The following PHLDB2 variants were observed in gnomAD, a reference collection of about 807,000 sequenced individuals.
PHLDB2 encodes the protein pleckstrin homology like domain family B member 2.
Under a neutral mutation model 123.6 loss-of-function variants are expected in PHLDB2, and 71 were observed. That is an observed-to-expected ratio of 0.57 (90% CI 0.47 to 0.70). The LOEUF (loss-of-function observed/expected upper bound fraction) is 0.70. Among genes scored for constraint, PHLDB2 ranks in the 30% least tolerant of loss-of-function variants. The probability of loss-of-function intolerance (pLI) is 0.00; values close to 1 mark genes in which losing one functional copy is unlikely to be tolerated. For missense variants in PHLDB2, 1,446 were observed against 1,519.5 expected (o/e 0.95, Z 0.80); for synonymous variants, 547 against 541.6 (o/e 1.01, Z -0.14).
At chr3:111,756,964 TTG>T (rs781270354) in intron 1 of PHLDB2, among the ~76,000 whole-genome samples, 33 of 152,214 alleles carry the variant, frequency 2.2e-4, no homozygotes, top group Non-Finnish European at 3.8e-4. Flanking sequence ...TTTAAGAATG[TTG>T]AATATTGGCC....
chr3:111,906,212 C>G (rs1441855689), intron 2 of PHLDB2, among the ~76,000 whole-genome samples: 1 of 152,188 alleles, frequency 6.6e-6, no homozygotes, highest in African/African-American at 2.4e-5. Flanking sequence ...TAAGTACACC[C>G]TGATGTTTGC....
At chr3:111,966,500 CATGTGT>C (rs1559926819) in intron 13 of PHLDB2, 107 bp from the exon 14 acceptor site, 30 of 467,424 alleles carry the variant, frequency 6.4e-5, no homozygotes, top group South Asian at 4.0e-4. Context: ...CCCTTGACCC[CATGTGT>C]GTGTGTGTGT....
chr3:111,755,449 G>A (rs1376209719), intron 1 of PHLDB2, among the ~76,000 whole-genome samples: 7 of 138,920 alleles, frequency 5.0e-5, no homozygotes, highest in Admixed American at 7.3e-5. Flanking sequence ...AGAGGTGTTT[G>A]TAGTATTCTC....
chr3:111,953,490 G>A (rs1377751965), intron 11 of PHLDB2, among the ~76,000 whole-genome samples: 9 of 152,216 alleles, frequency 5.9e-5, no homozygotes, highest in Non-Finnish European at 1.3e-4. Flanking sequence ...CCATTAGGGT[G>A]TTAATAGATT....
At chr3:111,805,974 A>G (rs577508272) in intron 1 of PHLDB2, among the ~76,000 whole-genome samples, 1 of 152,056 alleles carries the variant, frequency 6.6e-6, no homozygotes, top group South Asian at 2.1e-4. Flanking sequence ...AGGCAAAACA[A>G]TAGAGACAGA....
Position 111,962,166 on chromosome 3 carries a change from C to A in PHLDB2, c.2931C>A (p.Arg977=), listed in dbSNP as rs1325147024. The A allele has an allele frequency of 2.5e-6, 4 of 1,585,586 alleles. No homozygotes were observed. In the African/African-American group the frequency reaches 5.5e-5, roughly 22 times the overall value. Residue 977 remains arginine (R), a synonymous_variant, in exon 13 of 18, where the codon CGC becomes CGA. Coordinates refer to ENST00000431670, the MANE Select transcript of PHLDB2 (RefSeq NM_001134438.2). ...GGCAGAAATCTGAATTTTATAACCG[C>A]ACAGCATCTGAATCAAATGTCTACT... ...GHRQKSEFYN[R]TASESNVYLN...
Position 111,833,699 on chromosome 3 carries a change from A to T in PHLDB2, c.-48-12122A>T, listed in dbSNP as rs191422532. On this transcript the variant is annotated intron_variant, in intron 1 of 17. Coordinates refer to the PHLDB2 transcript ENST00000393923. ...ATATATATAATAGAATTATATATATAATATATATAATAGAATTATATATAT... is the reference window on the plus strand; with the variant it reads ...ATATATATAATAGAATTATATATATTATATATATAATAGAATTATATATAT... Among the ~76,000 whole-genome samples, 52 of 48,248 alleles carry T rather than the reference A, an allele frequency of 1.1e-3. 3 individuals carry two copies. The highest frequency in any genetic ancestry group is 1.4e-3 in the Non-Finnish European group (44 of 31,192). 31.7% of individuals were successfully genotyped at this position (48,248 alleles called of 152,430 possible).
intron 1 of PHLDB2, among the ~76,000 whole-genome samples, chr3:111,875,820 CA>C (rs34846400): frequency 0.52 from 59,707 of 114,898 alleles, 12,698 homozygotes; most frequent in East Asian, 0.77. Flanking sequence ...AAGACTGTCT[CA>C]AAAAAAAAAA....
At chr3:111,804,705 AC>A (rs1286169947) in intron 1 of PHLDB2, among the ~76,000 whole-genome samples, 2 of 152,190 alleles carry the variant, frequency 1.3e-5, no homozygotes, top group Non-Finnish European at 2.9e-5. Flanking sequence ...GCTAATACTT[AC>A]CATTGAAATT....
chr3:111,936,972 T>C (rs994908678), intron 6 of PHLDB2, among the ~76,000 whole-genome samples: 1 of 152,260 alleles, frequency 6.6e-6, no homozygotes, highest in African/African-American at 2.4e-5. Context: ...TTTAACTCAT[T>C]AATTCTTTTA....
intron 1 of PHLDB2, among the ~76,000 whole-genome samples, chr3:111,781,264 TCTCTCTCCAC>T (rs1016957645): frequency 6.6e-5 from 10 of 152,052 alleles, no homozygotes; most frequent in Admixed American, 6.6e-5. Context: ...AATCTCCTTA[TCTCTCTCCAC>T]CTGCTTTCCT....
intron 2 of PHLDB2, among the ~76,000 whole-genome samples, chr3:111,889,481 C>T (rs1029359461): frequency 1.3e-5 from 2 of 151,932 alleles, no homozygotes; most frequent in African/African-American, 4.8e-5. Context: ...GTGGGAGGAT[C>T]ACTTGAGTCC....
intron 1 of PHLDB2, among the ~76,000 whole-genome samples, chr3:111,786,236 G>A (rs896932272): frequency 7.9e-5 from 12 of 152,110 alleles, no homozygotes; most frequent in Admixed American, 2.0e-4. Flanking sequence ...AATGTAAATA[G>A]TCGTTATGCT....
intron 13 of PHLDB2, 124 bp downstream of exon 13, chr3:111,962,436 T>A: frequency 1.3e-6 from 1 of 759,472 alleles, no homozygotes; most frequent in Non-Finnish European, 2.1e-6. Context: ...AAAGGGTCTG[T>A]AATGCAGAAG....
In PHLDB2 at chr3:111,940,684, T is replaced by C. The variant is rs748160350; in HGVS notation, c.2397+39T>C. 3.8e-5 allele frequency: 48 copies of C among 1,270,182 alleles called. 1 individual carries two copies. The South Asian group carries it at 7.5e-4, about 20-fold the overall frequency. The allele number at this position is 1,270,182 out of a possible 1,614,324, so 78.7% of individuals were successfully genotyped here. A position where few individuals can be genotyped will look rare whatever the true frequency, so the allele number is the denominator to read the frequency against. ...TTTCAGCACTGGCTACAGTAAAACATAGGTTCCAAATTCAGGGAAATTGCC... is the reference window on the plus strand; with the variant it reads ...TTTCAGCACTGGCTACAGTAAAACACAGGTTCCAAATTCAGGGAAATTGCC... On this transcript the variant is annotated intron_variant, in intron 8 of 17. Coordinates refer to ENST00000431670, the MANE Select transcript of PHLDB2 (RefSeq NM_001134438.2).
intron 1 of PHLDB2, among the ~76,000 whole-genome samples, chr3:111,773,279 T>C (rs1220922938): frequency 6.6e-6 from 1 of 152,202 alleles, no homozygotes; most frequent in Non-Finnish European, 1.5e-5. Context: ...GAGTGAGAAC[T>C]CATGAATCTC....
chr3:111,913,224 C>A, intron 2 of PHLDB2, 95 bp from the exon 3 acceptor site: 2 of 1,339,924 alleles, frequency 1.5e-6, no homozygotes, highest in Non-Finnish European at 2.0e-6. Flanking sequence ...GTATGGAATG[C>A]AAGCACCAGT....
At chr3:111,735,727 CACA>C (rs1342808165) in intron 1 of PHLDB2, among the ~76,000 whole-genome samples, 1 of 152,186 alleles carries the variant, frequency 6.6e-6, no homozygotes, top group Admixed American at 6.5e-5. Flanking sequence ...AAAGACTCAT[CACA>C]ACATTTCACC....
intron 1 of PHLDB2, among the ~76,000 whole-genome samples, chr3:111,810,434 A>G (rs372771473): frequency 1.5e-4 from 23 of 151,964 alleles, no homozygotes; most frequent in African/African-American, 5.6e-4. Context: ...AGCATGCTCA[A>G]TTTCCGGTGG....
Sources: gnomAD v4.1 joint callset for allele counts (sites outside exome capture counted in the v4.1 genomes callset) on GRCh38, gnomAD v4.1.1 for gene constraint, MANE v1.5 for transcripts, NCBI Gene and HGNC (gene_info 2026-07-23, HGNC 2026-07-21) for gene names.